The following ZMAT3 variants were observed in gnomAD, a reference collection of about 807,000 sequenced individuals.
ZMAT3 encodes the protein zinc finger matrin-type protein 3.
Under a neutral mutation model 32.3 loss-of-function variants are expected in ZMAT3, and 17 were observed. The observed-to-expected ratio is 0.53, with a 90% CI of 0.36 to 0.79. The LOEUF (loss-of-function observed/expected upper bound fraction) is 0.79, where lower values mean the gene tolerates loss of function less well. Ranked by LOEUF, ZMAT3 falls within the 30% of genes least tolerant of loss-of-function variation. ZMAT3 has a pLI of 0.00. For missense variants in ZMAT3, 329 were observed against 359.7 expected, an observed-to-expected ratio of 0.91 and a Z score of 0.69; for synonymous variants, 120 against 133.1, an observed-to-expected ratio of 0.90 and a Z score of 0.68.
rs899966733 is a variant in ZMAT3, at chr3:179,071,605, G to C, written c.-68C>G. Reference sequence around the variant, plus strand: ...ATCGCCCGCACTTACCGGAACCCCCGGGACGCGCCGGCAGTCTCCGCGCCG... The same window carrying C: ...ATCGCCCGCACTTACCGGAACCCCCCGGACGCGCCGGCAGTCTCCGCGCCG... On this transcript the variant is annotated 5_prime_UTR_variant, in exon 1 of 6. Coordinates refer to ENST00000311417, the MANE Select transcript of ZMAT3 (RefSeq NM_022470.4). The C allele has an allele frequency of 7.9e-5, 12 of 152,114 alleles. No individual in the cohort carries two copies. The highest frequency in any genetic ancestry group is 1.3e-4 in the Admixed American group (2 of 15,274). 9.4% of individuals were successfully genotyped at this position (152,114 alleles called of 1,614,324 possible). A position where few individuals can be genotyped will look rare whatever the true frequency, so the allele number is the denominator to read the frequency against.
At chr3:179,044,496 T>G (rs553512460) in intron 2 of ZMAT3, among the ~76,000 whole-genome samples, 1 of 152,150 alleles carries the variant, frequency 6.6e-6, no homozygotes, top group Non-Finnish European at 1.5e-5. Context: ...TACAAAAAAT[T>G]AGCCAGGCAT....
intron 5 of ZMAT3, among the ~76,000 whole-genome samples, chr3:179,026,684 G>T (rs1718893777): frequency 6.6e-6 from 1 of 152,076 alleles, no homozygotes; most frequent in African/African-American, 2.4e-5. Context: ...CAGGAGCCTG[G>T]CCTGAATTGT....
chr3:179,056,249 C>T (rs1037031848), intron 2 of ZMAT3, among the ~76,000 whole-genome samples: 1 of 151,906 alleles, frequency 6.6e-6, no homozygotes, highest in African/African-American at 2.4e-5. Context: ...ACTTAGAAAC[C>T]CTATTTAACT....
chr3:179,051,120 C>T (rs1720531849), intron 2 of ZMAT3, among the ~76,000 whole-genome samples: 2 of 152,148 alleles, frequency 1.3e-5, no homozygotes, highest in Non-Finnish European at 1.5e-5. Flanking sequence ...CACCCTAGTA[C>T]TGGAAGTCCT....
chr3:179,061,410 C>T (rs192643899), intron 2 of ZMAT3, among the ~76,000 whole-genome samples: 4 of 152,182 alleles, frequency 2.6e-5, no homozygotes, highest in Non-Finnish European at 5.9e-5. Flanking sequence ...AAAACCTACA[C>T]AATGAAGTAG....
rs1718440667 is a variant in ZMAT3 at position 179,019,571 on chromosome 3, T to C, written c.*5446A>G. On this transcript the variant is annotated 3_prime_UTR_variant, in exon 6 of 6. Coordinates refer to ENST00000311417, the MANE Select transcript of ZMAT3 (RefSeq NM_022470.4). Reference sequence around the variant, plus strand: ...GCAAAGTTTTTTCAACTTTGATATATGTCTGAAAATTTTCTTGAGAAAATG... The same window carrying C: ...GCAAAGTTTTTTCAACTTTGATATACGTCTGAAAATTTTCTTGAGAAAATG... 1 of 152,176 alleles carries C rather than the reference T, an allele frequency of 6.6e-6. No individual in the cohort carries two copies. The highest frequency in any genetic ancestry group is 2.1e-4 in the South Asian group (1 of 4,832). The allele number at this position is 152,176 out of a possible 1,614,324, so 9.4% of individuals were successfully genotyped here.
Position 179,023,159 on chromosome 3 carries a change from GCTT to G in ZMAT3, c.*1855_*1857del, listed in dbSNP as rs1200550157. ...TTAGTTAATCTAGATATATATTATA[GCTT>G]CTTTTTTTTTTTTTTTGGAGACGGA... On this transcript the variant is annotated 3_prime_UTR_variant, in exon 6 of 6. Coordinates refer to ENST00000311417, the MANE Select transcript of ZMAT3 (RefSeq NM_022470.4). 1.8e-5 allele frequency: 2 copies of G among 110,654 alleles called. No homozygotes were observed. Among genetic ancestry groups the G allele is most frequent in the Non-Finnish European group, 3.4e-5 (2 of 58,420 alleles). The allele number at this position is 110,654 out of a possible 1,614,324, so 6.9% of individuals were successfully genotyped here. A position where few individuals can be genotyped will look rare whatever the true frequency, so the allele number is the denominator to read the frequency against.
chr3:179,024,938 A>G lies in ZMAT3; in HGVS notation c.*79T>C. On this transcript the variant is annotated 3_prime_UTR_variant, in exon 6 of 6. Coordinates refer to ENST00000311417, the MANE Select transcript of ZMAT3 (RefSeq NM_022470.4). ...TAAGCAGAGGAATGTACTCATATCA[A>G]AAAGACCACAAAGCAGGGCAAGTTG... 7.2e-7 allele frequency: 1 copy of G among 1,388,210 alleles called. No homozygotes were observed. Among genetic ancestry groups the G allele is most frequent in the Non-Finnish European group, 1.0e-6 (1 of 981,896 alleles). 86.0% of individuals were successfully genotyped at this position (1,388,210 alleles called of 1,614,324 possible).
chr3:179,033,128 T>C (rs902821625), intron 2 of ZMAT3, among the ~76,000 whole-genome samples: 6 of 152,200 alleles, frequency 3.9e-5, no homozygotes, highest in Non-Finnish European at 7.3e-5. Flanking sequence ...AGACTCCATT[T>C]TGTTCTGTAC....
At chr3:179,027,554 T>A (rs776480708) in intron 4 of ZMAT3, 31 bp from the exon 5 acceptor site, 267 of 1,613,806 alleles carry the variant, frequency 1.7e-4, no homozygotes, top group Middle Eastern at 6.6e-4. Context: ...AAAGAGTGAG[T>A]CTTCTAAACA....
intron 2 of ZMAT3, among the ~76,000 whole-genome samples, chr3:179,061,399 C>T (rs1177655013): frequency 6.6e-6 from 1 of 152,062 alleles, no homozygotes; most frequent in Admixed American, 6.5e-5. Context: ...CCGGGAAATA[C>T]AAAACCTACA....
At position 179,067,706 on chromosome 3, in the gene ZMAT3, G is replaced by A. The variant is rs1721492574; in HGVS notation, c.47C>T (p.Ser16Leu). 6.2e-7 allele frequency: 1 copy of A among 1,614,196 alleles called. No individual in the cohort carries two copies. The highest frequency in any genetic ancestry group is 8.5e-7 in the Non-Finnish European group (1 of 1,180,040). Residue 16 changes from serine to leucine, a missense_variant, in exon 2 of 6, where the codon TCA becomes TTA. Physicochemically the swap from Ser to Leu is moderately radical, Grantham distance 145. Transcript: ENST00000311417. ...GGCCACTGACATAGGAGGCGAGGGT[G>A]AGGGCTGCTTAGGTGGAGGAAGCAC... ...HAVLPPPKQP[S>L]PSPPMSVATR... is the part of the protein sequence containing the mutation.
At chr3:179,051,160 T>A (rs746905217) in intron 2 of ZMAT3, among the ~76,000 whole-genome samples, 5 of 152,064 alleles carry the variant, frequency 3.3e-5, no homozygotes, top group Non-Finnish European at 7.4e-5. Flanking sequence ...GAGAAAGAAA[T>A]AAAGGGCATC....
Position 179,030,442 on chromosome 3 carries a change from C to T in ZMAT3, c.390+438G>A, listed in dbSNP as rs538891365. Among the ~76,000 whole-genome samples, 3 of 151,438 alleles carry T rather than the reference C, an allele frequency of 2.0e-5. No homozygotes were observed. The South Asian group carries it at 6.3e-4, about 32-fold the overall frequency. ...CAATCTCAGCTCACTGCAAGCTCCG[C>T]CTCCCGGGTTCGCACCTTTCTCCTG... On this transcript the variant is annotated intron_variant, in intron 3 of 5. Coordinates refer to ENST00000311417, the MANE Select transcript of ZMAT3 (RefSeq NM_022470.4).
intron 2 of ZMAT3, among the ~76,000 whole-genome samples, chr3:179,040,994 C>A (rs1023741704): frequency 6.6e-6 from 1 of 151,840 alleles, no homozygotes; most frequent in African/African-American, 2.4e-5. Flanking sequence ...AAGGGCATTA[C>A]ATAATGGTAA....
intron 2 of ZMAT3, among the ~76,000 whole-genome samples, chr3:179,045,799 A>T (rs1576857606): frequency 6.6e-6 from 1 of 152,228 alleles, no homozygotes; most frequent in Non-Finnish European, 1.5e-5. Flanking sequence ...TTGGTACCTT[A>T]TATCTGAAGG....
At position 179,040,158 on chromosome 3, in the gene ZMAT3, T is replaced by G. The variant is rs895064229; in HGVS notation, c.271-9159A>C. 3.6e-4 allele frequency among the ~76,000 whole-genome samples: 55 copies of G among 152,122 alleles called. 1 individual carries two copies. The highest frequency in any genetic ancestry group is 3.3e-3 in the Admixed American group (50 of 15,266). The stretch of plus-strand genomic sequence containing the variant: ...ATGGAACCAAGTTGGAAAACACTCT[T>G]CAGGATATTATCCAGGAGAACTTCC... On this transcript the variant is annotated intron_variant, in intron 2 of 5. Coordinates refer to ENST00000311417, the MANE Select transcript of ZMAT3 (RefSeq NM_022470.4).
At chr3:179,071,144 C>A (rs1227700212) in intron 1 of ZMAT3, among the ~76,000 whole-genome samples, 1 of 152,126 alleles carries the variant, frequency 6.6e-6, no homozygotes, top group African/African-American at 2.4e-5. Context: ...CTCAAAAGAA[C>A]GCAGAAAACT....
intron 2 of ZMAT3, among the ~76,000 whole-genome samples, chr3:179,063,995 A>G (rs1431598272): frequency 6.6e-6 from 1 of 152,254 alleles, no homozygotes; most frequent in Non-Finnish European, 1.5e-5. Context: ...ATGTCAGGAA[A>G]AAATGCTAGT....
Sources: allele counts gnomAD v4.1 joint callset (sites outside exome capture counted in the v4.1 genomes callset), GRCh38; gene constraint gnomAD v4.1.1; transcripts MANE v1.5; gene names NCBI Gene and HGNC (gene_info 2026-07-23, HGNC 2026-07-21).